Variants in CAMK1D observed in about 807,000 individuals in gnomAD.
The protein encoded by CAMK1D is calcium/calmodulin-dependent protein kinase type 1D.
CAMK1D carries 9 observed loss-of-function variants against 47.7 expected under a neutral mutation model. That is an observed-to-expected ratio of 0.19 (90% CI 0.11 to 0.33). CAMK1D has a LOEUF of 0.33. Ranked by LOEUF, CAMK1D falls within the 10% of genes least tolerant of loss-of-function variation. CAMK1D has a pLI of 1.00. For missense variants in CAMK1D, 291 were observed against 488.7 expected (o/e 0.60, Z 3.81); for synonymous variants, 184 against 184.9 (o/e 0.99, Z 0.04).
chr10:12,588,597 T>C (rs914837680), intron 2 of CAMK1D, among the ~76,000 whole-genome samples: 6 of 152,070 alleles, frequency 3.9e-5, no homozygotes, highest in African/African-American at 7.2e-5. Flanking sequence ...GCAGATCTCC[T>C]GCCCCACCAC....
chr10:12,768,956 G>A (rs901758727), intron 4 of CAMK1D, among the ~76,000 whole-genome samples: 32 of 152,214 alleles, frequency 2.1e-4, no homozygotes, highest in Non-Finnish European at 4.0e-4. Flanking sequence ...CAGGAACACG[G>A]GGGCCATAAG....
At chr10:12,661,585 A>G (rs914842201) in intron 2 of CAMK1D, among the ~76,000 whole-genome samples, 8 of 152,380 alleles carry the variant, frequency 5.3e-5, no homozygotes, top group Non-Finnish European at 8.8e-5. Flanking sequence ...ACAATAAAAC[A>G]GCAATGTAAG....
At chr10:12,796,990 C>A (rs887996755) in intron 6 of CAMK1D, among the ~76,000 whole-genome samples, 1 of 152,212 alleles carries the variant, frequency 6.6e-6, no homozygotes, top group Non-Finnish European at 1.5e-5. Context: ...CAAACATGTT[C>A]TCTCCCCTAT....
intron 2 of CAMK1D, among the ~76,000 whole-genome samples, chr10:12,618,023 C>G (rs762175053): frequency 1.3e-5 from 2 of 152,082 alleles, no homozygotes; most frequent in African/African-American, 4.8e-5. Flanking sequence ...AATGCTGTCA[C>G]TATTTACGTA....
intron 1 of CAMK1D, among the ~76,000 whole-genome samples, chr10:12,438,927 A>C (rs1832706412): frequency 6.6e-6 from 1 of 152,254 alleles, no homozygotes; most frequent in Non-Finnish European, 1.5e-5. Flanking sequence ...TAATTTTTTA[A>C]GAAAGACTTA....
At chr10:12,823,468 A>G (rs1267308284) in intron 8 of CAMK1D, among the ~76,000 whole-genome samples, 9 of 151,978 alleles carry the variant, frequency 5.9e-5, no homozygotes, top group African/African-American at 2.4e-5. Context: ...TAGGGAGAGG[A>G]GGAGGCTGTG....
At chr10:12,587,278 T>C (rs978594921) in intron 2 of CAMK1D, among the ~76,000 whole-genome samples, 5 of 152,154 alleles carry the variant, frequency 3.3e-5, no homozygotes, top group African/African-American at 1.2e-4. Flanking sequence ...TCCTAGAATA[T>C]ACTCTGACTC....
At chr10:12,757,438 A>T (rs1309418814) in intron 3 of CAMK1D, among the ~76,000 whole-genome samples, 5 of 152,154 alleles carry the variant, frequency 3.3e-5, no homozygotes, top group Non-Finnish European at 7.3e-5. Flanking sequence ...GAGGCTTGAC[A>T]TAGAAGCTGT....
At chr10:12,783,021 C>G (rs556643651) in intron 5 of CAMK1D, among the ~76,000 whole-genome samples, 1 of 141,780 alleles carries the variant, frequency 7.1e-6, no homozygotes, top group Non-Finnish European at 1.5e-5. Flanking sequence ...GAGACAGAGT[C>G]TTGCTCTGTT....
intron 1 of CAMK1D, among the ~76,000 whole-genome samples, chr10:12,480,413 C>T (rs542943848): frequency 1.3e-5 from 2 of 151,878 alleles, no homozygotes; most frequent in Admixed American, 6.6e-5. Flanking sequence ...CCAGCTTGAG[C>T]GACAGAGCAA....
At chr10:12,792,980 ACAC>A (rs1564566167) in intron 6 of CAMK1D, among the ~76,000 whole-genome samples, 58 of 145,092 alleles carry the variant, frequency 4.0e-4, no homozygotes, top group African/African-American at 1.4e-3. Flanking sequence ...ACACACACAC[ACAC>A]GCACGCACAC....
At chr10:12,433,769 C>G (rs1361609785) in intron 1 of CAMK1D, among the ~76,000 whole-genome samples, 2 of 152,224 alleles carry the variant, frequency 1.3e-5, no homozygotes, top group Non-Finnish European at 2.9e-5. Context: ...GGGCCCCTGC[C>G]CCTGGGCATC....
chr10:12,752,010 CT>C (rs1200561246), intron 3 of CAMK1D, among the ~76,000 whole-genome samples: 4 of 149,198 alleles, frequency 2.7e-5, no homozygotes, highest in African/African-American at 9.9e-5. Context: ...GAGGTGGAGT[CT>C]TGCTCTGTCA....
intron 1 of CAMK1D, among the ~76,000 whole-genome samples, chr10:12,362,744 T>C (rs1837711834): frequency 1.3e-5 from 2 of 152,174 alleles, no homozygotes; most frequent in Admixed American, 6.5e-5. Context: ...TCTCCTGACC[T>C]CCTGATCTGC....
chr10:12,743,804 C>T (rs1408043787), intron 3 of CAMK1D, among the ~76,000 whole-genome samples: 2 of 152,310 alleles, frequency 1.3e-5, no homozygotes, highest in South Asian at 2.1e-4. Flanking sequence ...AGGCAGATCA[C>T]CTGAGGTCAG....
At chr10:12,612,483 G>A (rs1838660766) in intron 2 of CAMK1D, among the ~76,000 whole-genome samples, 1 of 151,902 alleles carries the variant, frequency 6.6e-6, no homozygotes, top group East Asian at 1.9e-4. Context: ...TGGGGATTAA[G>A]GCATGAACCA....
At chr10:12,681,918 A>G (rs995710837) in intron 3 of CAMK1D, among the ~76,000 whole-genome samples, 2 of 152,240 alleles carry the variant, frequency 1.3e-5, no homozygotes, top group African/African-American at 4.8e-5. Context: ...GAGAGCTTAA[A>G]TGATGTATAA....
intron 3 of CAMK1D, among the ~76,000 whole-genome samples, chr10:12,701,565 G>A (rs953148404): frequency 6.6e-6 from 1 of 152,108 alleles, no homozygotes; most frequent in African/African-American, 2.4e-5. Flanking sequence ...TTTGTTTAAG[G>A]CAGTGTGGCT....
chr10:12,452,998 A>C (rs1324246856), intron 1 of CAMK1D, among the ~76,000 whole-genome samples: 1 of 152,000 alleles, frequency 6.6e-6, no homozygotes. Context: ...ATTCAACAGC[A>C]ACTCCTCATC....
Sources: allele counts gnomAD v4.1 joint callset (sites outside exome capture counted in the v4.1 genomes callset), GRCh38; gene constraint gnomAD v4.1.1; transcripts MANE v1.5; gene names NCBI Gene and HGNC (gene_info 2026-07-23, HGNC 2026-07-21).